The following NDUFS1 variants were observed in gnomAD, a reference collection of about 807,000 sequenced individuals.
The protein encoded by NDUFS1 is NADH:ubiquinone oxidoreductase core subunit S1.
In NDUFS1, 61 loss-of-function variants were observed where a neutral mutation model predicts 84.4. That is an observed-to-expected ratio of 0.72 (90% CI 0.59 to 0.89). The LOEUF (loss-of-function observed/expected upper bound fraction) is 0.89, where lower values mean the gene tolerates loss of function less well. Ranked by LOEUF, NDUFS1 falls within the 40% of genes least tolerant of loss-of-function variation. NDUFS1 has a pLI of 0.00. For missense variants in NDUFS1, 891 were observed against 890.0 expected, an observed-to-expected ratio of 1.00 and a Z score of -0.01; for synonymous variants, 275 against 290.0, an observed-to-expected ratio of 0.95 and a Z score of 0.53.
At chr2:206,138,731 C>T in intron 12 of NDUFS1, 117 bp from the exon 13 acceptor site, 1 of 1,127,492 alleles carries the variant, frequency 8.9e-7, no homozygotes, top group Non-Finnish European at 1.3e-6. Context: ...ACAGACAATA[C>T]ATTTAACAGA....
intron 4 of NDUFS1, among the ~76,000 whole-genome samples, chr2:206,149,595 T>A (rs1462307357): frequency 7.7e-6 from 1 of 129,882 alleles, no homozygotes; most frequent in Non-Finnish European, 1.6e-5. Context: ...CTTTAATTTC[T>A]AGATATGTTA....
chr2:206,128,222 G>C (rs1021298135), intron 15 of NDUFS1, among the ~76,000 whole-genome samples: 9 of 152,042 alleles, frequency 5.9e-5, no homozygotes, highest in African/African-American at 2.2e-4. Context: ...CTGGAGTGCA[G>C]TGGTGCAATC....
rs554395104 is a variant in NDUFS1, at chr2:206,136,298, C to T, written c.1392+2187G>A. ...CAAACTCCTGACCTTGTGATCCGCC[C>T]GCCTCAGCCTCCCAAAGTACTGGAA... On this transcript the variant is annotated intron_variant, in intron 13 of 18. Transcript: ENST00000233190. Among the ~76,000 whole-genome samples the T allele has an allele frequency of 6.0e-5, 9 of 150,750 alleles. No homozygotes were observed. In the East Asian group the frequency reaches 1.2e-3, roughly 20 times the overall value.
chr2:206,149,171 GTTAAA>G, intron 4 of NDUFS1, 75 bp from the exon 5 acceptor site: 1 of 1,067,726 alleles, frequency 9.4e-7, no homozygotes, highest in South Asian at 1.4e-5. Flanking sequence ...ATATAAAAAT[GTTAAA>G]TTATATAAAA....
At chr2:206,130,044 A>G (rs1691444083) in intron 15 of NDUFS1, 44 bp downstream of exon 15, 1 of 1,606,854 alleles carries the variant, frequency 6.2e-7, no homozygotes, top group Admixed American at 1.7e-5. Context: ...AACATACATA[A>G]TGTACTACTC....
At position 206,117,361 on chromosome 2, in the gene NDUFS1, G is replaced by A. The variant is rs1291533470; in HGVS notation, c.*6824C>T. The A allele has an allele frequency of 6.6e-6, 1 of 152,212 alleles. No homozygotes were observed. The highest frequency in any genetic ancestry group is 1.5e-5 in the Non-Finnish European group (1 of 68,042). 9.4% of individuals were successfully genotyped at this position (152,212 alleles called of 1,614,324 possible). ...TTTAGTATACTGTTAGCTTCTTGAG[G>A]ACATTAGCTAAATTGTATTTCTCTT... On this transcript the variant is annotated 3_prime_UTR_variant, in exon 19 of 19. Transcript: ENST00000233190.
At chr2:206,125,215 A>G (rs1485296158) in intron 18 of NDUFS1, among the ~76,000 whole-genome samples, 2 of 152,166 alleles carry the variant, frequency 1.3e-5, no homozygotes, top group Non-Finnish European at 2.9e-5. Context: ...TAGTCCCAGC[A>G]CTTTGGGAGG....
In NDUFS1 at chr2:206,133,051, T is replaced by C; in HGVS notation, c.1447A>G (p.Arg483Gly). The C allele has an allele frequency of 1.2e-6, 2 of 1,613,912 alleles. No individual in the cohort carries two copies. Among genetic ancestry groups the C allele is most frequent in the Non-Finnish European group, 1.7e-6 (2 of 1,179,876 alleles). ...MVVLGSSALQ[R>G]NDGAAILAAV... ...GCAAGAATTGCTGCTCCATCATTTC[T>C]TTGGAGTGCAGAACTGCCTAAAACC... The change falls in exon 14 of 19, where the codon AGA (arginine) becomes GGA (glycine). Residue 483 changes from arginine (R) to glycine (G), a missense_variant. By Grantham distance (125) the Arg-to-Gly change is moderately radical. Transcript: ENST00000233190.
intron 18 of NDUFS1, among the ~76,000 whole-genome samples, chr2:206,124,809 A>T (rs927851373): frequency 3.2e-4 from 49 of 152,298 alleles, no homozygotes; most frequent in African/African-American, 1.1e-3. Context: ...ACTGCAATCT[A>T]GCCTGGGCGA....
At chr2:206,130,408 G>A (rs945265501) in intron 14 of NDUFS1, among the ~76,000 whole-genome samples, 166 bp from the exon 15 acceptor site, 14 of 151,028 alleles carry the variant, frequency 9.3e-5, no homozygotes, top group Admixed American at 2.0e-4. Flanking sequence ...AGGCTGGAGC[G>A]CAGTGGCGTG....
rs1323764107 is a variant in NDUFS1, at chr2:206,123,253, CA to C, written c.*931del. ...TGTTAGGATAATGAATACAGAACATCAATGAGAATCTAAATTATATCTCTTG... is the reference window on the plus strand; with the variant it reads ...TGTTAGGATAATGAATACAGAACATCATGAGAATCTAAATTATATCTCTTG... On this transcript the variant is annotated 3_prime_UTR_variant, in exon 19 of 19. Transcript: ENST00000233190. 6.6e-6 allele frequency: 1 copy of C among 150,852 alleles called. No homozygotes were observed. Among genetic ancestry groups the C allele is most frequent in the Non-Finnish European group, 1.5e-5 (1 of 67,834 alleles). The allele number at this position is 150,852 out of a possible 1,614,324, so 9.3% of individuals were successfully genotyped here. A position where few individuals can be genotyped will look rare whatever the true frequency, so the allele number is the denominator to read the frequency against.
At chr2:206,152,615 T>A in intron 2 of NDUFS1, 105 bp from the exon 3 acceptor site, 1 of 936,652 alleles carries the variant, frequency 1.1e-6, no homozygotes, top group Middle Eastern at 2.1e-4. Context: ...TTTCATTCCT[T>A]ATTATTCCTC....
chr2:206,153,889 T>A (rs985145411), intron 1 of NDUFS1, among the ~76,000 whole-genome samples: 10 of 152,234 alleles, frequency 6.6e-5, no homozygotes, highest in African/African-American at 2.4e-4. Flanking sequence ...CAGCAGCAGC[T>A]ATTGTATACA....
chr2:206,148,251 C>A (rs1315672565), intron 5 of NDUFS1, among the ~76,000 whole-genome samples: 1 of 152,120 alleles, frequency 6.6e-6, no homozygotes, highest in Non-Finnish European at 1.5e-5. Context: ...AAACAACCTT[C>A]ATAGATGTAT....
At position 206,159,245 on chromosome 2, in the gene NDUFS1, A is replaced by G. The variant is rs193136617; in HGVS notation, c.-5+96T>C. On this transcript the variant is annotated intron_variant, in intron 1 of 18. Transcript: ENST00000233190. ...GAGGCGGCGCCCAGTCAAGGACAAC[A>G]GAAGACTACGTCGCGTGGGCCAAAG... 2.1e-4 allele frequency: 219 copies of G among 1,052,808 alleles called. No homozygotes were observed. The African/African-American group carries it at 3.0e-3, about 14-fold the overall frequency. The allele number at this position is 1,052,808 out of a possible 1,614,324, so 65.2% of individuals were successfully genotyped here.
At chr2:206,134,426 A>G (rs6744180) in intron 13 of NDUFS1, among the ~76,000 whole-genome samples, 83,914 of 151,862 alleles carry the variant, frequency 0.55, 24,556 homozygotes, top group African/African-American at 0.75. Flanking sequence ...TTGAGCCCAC[A>G]GGTTCAAGTA....
chr2:206,139,954 T>C (rs925509197), intron 12 of NDUFS1, among the ~76,000 whole-genome samples: 1 of 148,858 alleles, frequency 6.7e-6, no homozygotes, highest in Non-Finnish European at 1.5e-5. Flanking sequence ...GAATGGATCC[T>C]GAGGAAACAA....
At position 206,147,644 on chromosome 2, in the gene NDUFS1, A is replaced by C. The variant is rs752686161; in HGVS notation, c.438T>G (p.Phe146Leu). The change falls in exon 7 of 19, where the codon TTT becomes TTG. Residue 146 changes from phenylalanine to leucine, a missense_variant. Physicochemically the swap from Phe to Leu is conservative, Grantham distance 22 (BLOSUM62 0). Transcript: ENST00000233190. ...ECDLQDQSMM[F>L]GNDRSRFLEG... ...CTAAAAATCGGCTCCTATCATTTCCAAACATCATGGACTGGTCCTTAAGTA... is the reference window on the plus strand; with the variant it reads ...CTAAAAATCGGCTCCTATCATTTCCCAACATCATGGACTGGTCCTTAAGTA... The C allele has an allele frequency of 6.2e-7, 1 of 1,614,182 alleles. No individual in the cohort carries two copies. Among genetic ancestry groups the C allele is most frequent in the South Asian group, 1.1e-5 (1 of 91,078 alleles).
chr2:206,139,153 TGCTAGTAAGCCA>T (rs1371214171), intron 12 of NDUFS1, among the ~76,000 whole-genome samples: 3 of 150,962 alleles, frequency 2.0e-5, no homozygotes, highest in Non-Finnish European at 4.4e-5. Context: ...AAGAAAGAAA[TGCTAGTAAGCCA>T]GCTATAAAAG....
Sources: allele counts gnomAD v4.1 joint callset (sites outside exome capture counted in the v4.1 genomes callset), GRCh38; gene constraint gnomAD v4.1.1; transcripts MANE v1.5; gene names NCBI Gene and HGNC (gene_info 2026-07-23, HGNC 2026-07-21).